Variants in BTBD9 observed in about 807,000 individuals in gnomAD.
The protein encoded by BTBD9 is BTB/POZ domain-containing protein 9.
A neutral mutation model predicts 64.3 loss-of-function variants in BTBD9; 49 were observed. The ratio of observed to expected loss-of-function variants is 0.76; its 90% CI spans 0.61 to 0.97. The LOEUF (loss-of-function observed/expected upper bound fraction) is 0.97. Ranked by LOEUF, BTBD9 falls within the 50% of genes least tolerant of loss-of-function variation. The pLI, the probability that BTBD9 is intolerant of heterozygous loss-of-function variation, is 0.00. For synonymous variants in BTBD9, 260 were observed against 274.7 expected, an observed-to-expected ratio of 0.95 and a Z score of 0.53; for missense variants, 598 against 762.1, an observed-to-expected ratio of 0.78 and a Z score of 2.53.
rs556708807 is a variant in BTBD9 at position 38,284,129 on chromosome 6, T to C, written c.1454+4143A>G. ...ACATAATGTTAGTTTCACAGAGACG[T>C]GTCTCTTTGAAGGCTCAGCCAGTTA... On this transcript the variant is annotated intron_variant, in intron 8 of 10. Transcript: ENST00000481247. Among the ~76,000 whole-genome samples, 4 of 152,166 alleles carry C rather than the reference T, an allele frequency of 2.6e-5. No individual in the cohort carries two copies. In the East Asian group the frequency reaches 7.7e-4, roughly 29 times the overall value.
At chr6:38,535,176 A>G (rs1773968711) in intron 6 of BTBD9, among the ~76,000 whole-genome samples, 1 of 152,184 alleles carries the variant, frequency 6.6e-6, no homozygotes, top group Non-Finnish European at 1.5e-5. Context: ...TGCAATATAG[A>G]AAATCAACAT....
chr6:38,375,909 AAG>A (rs1463448020), intron 6 of BTBD9, among the ~76,000 whole-genome samples: 1 of 129,890 alleles, frequency 7.7e-6, no homozygotes, highest in Non-Finnish European at 1.5e-5. Flanking sequence ...GAAAGAAAGA[AAG>A]AAAGAAAGAA....
intron 6 of BTBD9, among the ~76,000 whole-genome samples, chr6:38,445,700 A>T (rs942216052): frequency 4.6e-5 from 7 of 152,228 alleles, no homozygotes. Context: ...TGAAAAAGAA[A>T]AATGTCTAAA....
rs138870975 is a variant in BTBD9, at chr6:38,342,635, C to T, written c.1264+2349G>A. ...TTTTCCCCCAAGAAATCATGGAGTT[C>T]ATATCAGTGATTCTCAGGAGGGGAG... On this transcript the variant is annotated intron_variant, in intron 7 of 10. Coordinates refer to ENST00000481247, the MANE Select transcript of BTBD9 (RefSeq NM_001099272.2). Among the ~76,000 whole-genome samples the T allele has an allele frequency of 2.0e-4, 30 of 150,882 alleles. No homozygotes were observed. In the East Asian group the frequency reaches 5.4e-3, roughly 27 times the overall value.
chr6:38,334,767 A>G (rs914824349), intron 7 of BTBD9, among the ~76,000 whole-genome samples: 3 of 152,352 alleles, frequency 2.0e-5, no homozygotes, highest in East Asian at 1.9e-4. Flanking sequence ...AAGGGAATAC[A>G]TAAGTAGAGC....
chr6:38,463,721 T>C (rs946646539), intron 6 of BTBD9, among the ~76,000 whole-genome samples: 4 of 152,164 alleles, frequency 2.6e-5, no homozygotes, highest in African/African-American at 9.6e-5. Context: ...AGTGACTGTA[T>C]TTGGAGACAG....
chr6:38,552,946 C>A (rs951678658), intron 6 of BTBD9, among the ~76,000 whole-genome samples: 3 of 152,164 alleles, frequency 2.0e-5, no homozygotes, highest in African/African-American at 7.2e-5. Flanking sequence ...AAGTACCTTA[C>A]ATCAAATGGC....
chr6:38,306,520 C>T (rs1218861032), intron 7 of BTBD9, among the ~76,000 whole-genome samples: 1 of 152,238 alleles, frequency 6.6e-6, no homozygotes, highest in African/African-American at 2.4e-5. Flanking sequence ...TGTATACATT[C>T]TGCAAAGTGT....
chr6:38,511,984 T>G (rs952236716), intron 6 of BTBD9, among the ~76,000 whole-genome samples: 10 of 152,046 alleles, frequency 6.6e-5, no homozygotes, highest in Non-Finnish European at 1.2e-4. Flanking sequence ...TTTTTCCCCC[T>G]TTTTTTGAGA....
chr6:38,587,937 A>G, intron 4 of BTBD9: 1 of 724,610 alleles, frequency 1.4e-6, no homozygotes, highest in East Asian at 2.6e-5. Flanking sequence ...CCTGCAGAAG[A>G]CTGTTCAGGA....
chr6:38,438,931 A>G (rs1019137916), intron 6 of BTBD9, among the ~76,000 whole-genome samples: 2 of 152,138 alleles, frequency 1.3e-5, no homozygotes, highest in East Asian at 3.8e-4. Flanking sequence ...TATCTGAAGA[A>G]AAAAGCTGCC....
intron 6 of BTBD9, among the ~76,000 whole-genome samples, chr6:38,408,201 T>C (rs1454523968): frequency 2.0e-5 from 3 of 151,522 alleles, no homozygotes; most frequent in African/African-American, 2.4e-5. Context: ...CAAAAGAAAA[T>C]AGAAAAATTA....
At chr6:38,511,118 T>A (rs1562279981) in intron 6 of BTBD9, among the ~76,000 whole-genome samples, 1 of 152,160 alleles carries the variant, frequency 6.6e-6, no homozygotes, top group Non-Finnish European at 1.5e-5. Context: ...AGCTCCTTTA[T>A]GGGATCACTG....
intron 9 of BTBD9, among the ~76,000 whole-genome samples, chr6:38,193,420 GC>G (rs1300798462): frequency 6.6e-6 from 1 of 152,116 alleles, no homozygotes; most frequent in Non-Finnish European, 1.5e-5. Context: ...CCAAAACGCT[GC>G]CCCCGACACT....
At chr6:38,298,542 C>G (rs1363992942) in intron 7 of BTBD9, among the ~76,000 whole-genome samples, 1 of 152,110 alleles carries the variant, frequency 6.6e-6, no homozygotes, top group Non-Finnish European at 1.5e-5. Context: ...CTAAAATACA[C>G]AATACATTGT....
intron 6 of BTBD9, among the ~76,000 whole-genome samples, chr6:38,396,025 T>C (rs188061007): frequency 6.6e-6 from 1 of 152,276 alleles, no homozygotes; most frequent in Admixed American, 6.5e-5. Context: ...TAAGTCACTA[T>C]GTTTGGGGTG....
chr6:38,536,134 A>T (rs2127433812), intron 6 of BTBD9, among the ~76,000 whole-genome samples: 1 of 152,300 alleles, frequency 6.6e-6, no homozygotes, highest in Admixed American at 6.5e-5. Context: ...TAAGGAGCTC[A>T]AACAACTCTC....
chr6:38,532,393 C>T (rs1340757761), intron 6 of BTBD9, among the ~76,000 whole-genome samples: 1 of 152,158 alleles, frequency 6.6e-6, no homozygotes, highest in African/African-American at 2.4e-5. Flanking sequence ...TAGGTGAGTT[C>T]TAGTGCTGAA....
chr6:38,387,258 C>T (rs1037498394), intron 6 of BTBD9, among the ~76,000 whole-genome samples: 2 of 152,118 alleles, frequency 1.3e-5, no homozygotes, highest in Non-Finnish European at 2.9e-5. Context: ...AAAAGTTGGC[C>T]GGGCACAGTG....
Sources: gnomAD v4.1 joint callset for allele counts (sites outside exome capture counted in the v4.1 genomes callset) on GRCh38, gnomAD v4.1.1 for gene constraint, MANE v1.5 for transcripts, NCBI Gene and HGNC (gene_info 2026-07-23, HGNC 2026-07-21) for gene names.